RNF213: variants seen among roughly 807,000 people sequenced by gnomAD.
RNF213 encodes E3 ubiquitin-protein ligase RNF213.
RNF213 carries 341 observed loss-of-function variants against 514.4 expected under a neutral mutation model. The ratio of observed to expected loss-of-function variants is 0.66; its 90% CI spans 0.61 to 0.73. The LOEUF (loss-of-function observed/expected upper bound fraction) is 0.73. Among genes scored for constraint, RNF213 ranks in the 30% least tolerant of loss-of-function variants. The pLI is 0.00. For missense variants in RNF213, 5,767 were observed against 6,615.6 expected (o/e 0.87, Z 4.45); for synonymous variants, 2,655 against 2,658.2 (o/e 1.00, Z 0.04).
chr17:80,361,625 C>A, intron 38 of RNF213, 109 bp from the exon 39 acceptor site: 1 of 1,189,808 alleles, frequency 8.4e-7, no homozygotes, highest in Admixed American at 1.7e-5. Flanking sequence ...TCTACGAGCT[C>A]CCATTCAACA....
chr17:80,345,925 C>G lies in RNF213; in HGVS notation c.7590C>G (p.His2530Gln). Residue 2530 changes from histidine (H) to glutamine (Q), a missense_variant, in exon 29 of 68, where the codon CAC (histidine) becomes CAG (glutamine). Physicochemically the swap from His to Gln is conservative, Grantham distance 24. Transcript: ENST00000582970. The surrounding 1 kb of genome is among the most constrained non-coding windows in gnomAD (Gnocchi z 6.0). ...CTGCCTGCAATCCATACCGGAAGCA[C>G]TCTGAGGAGATGATCTGCCGTTTGG... Reference protein sequence around the residue: ...IIAACNPYRKHSEEMICRLES... With the variant: ...IIAACNPYRKQSEEMICRLES... 6.2e-7 allele frequency: 1 copy of G among 1,614,226 alleles called. No homozygotes were observed. Among genetic ancestry groups the G allele is most frequent in the Non-Finnish European group, 8.5e-7 (1 of 1,180,046 alleles).
chr17:80,397,292 C>T lies in RNF213; in HGVS notation c.*3794C>T, dbSNP rs1198519354. On this transcript the variant is annotated 3_prime_UTR_variant, in exon 68 of 68. Transcript: ENST00000582970. Reference sequence around the variant, plus strand: ...CAAGTGGCTCGACCTCTCTAAGCTTCAGTTTCCTCGTCTGTGAAATATCTG... The same window carrying T: ...CAAGTGGCTCGACCTCTCTAAGCTTTAGTTTCCTCGTCTGTGAAATATCTG... The T allele has an allele frequency of 6.6e-6, 1 of 152,154 alleles. No individual in the cohort carries two copies. Among genetic ancestry groups the T allele is most frequent in the Non-Finnish European group, 1.5e-5 (1 of 68,048 alleles). 9.4% of individuals were successfully genotyped at this position (152,154 alleles called of 1,614,324 possible).
In RNF213 at chr17:80,353,661, A is replaced by G; in HGVS notation, c.10573A>G (p.Ser3525Gly). Reference sequence around the variant, plus strand: ...AAAGGAAACCTCTGAACTCGGAGGCAGTGATGTAAGTTCTGGTTCTTGGGA... The same window carrying G: ...AAAGGAAACCTCTGAACTCGGAGGCGGTGATGTAAGTTCTGGTTCTTGGGA... ...VGKETSELGG[S>G]DVSILDTTRL... is the part of the protein sequence containing the mutation. The change falls in exon 34 of 68, where the codon AGT becomes GGT. Residue 3525 changes from serine to glycine, a missense_variant. Physicochemically the swap from Ser to Gly is moderately conservative, Grantham distance 56. Around this residue, in one of 13 missense-constraint regions of RNF213, gnomAD observed 919 missense variants for 1,121.0 expected, o/e 0.82. Transcript: ENST00000582970. This position sits in a 1 kb window ranked among gnomAD's most constrained non-coding sequence, Gnocchi z 5.0. 4 of 1,614,178 alleles carry G rather than the reference A, an allele frequency of 2.5e-6. No homozygotes were observed. Among genetic ancestry groups the G allele is most frequent in the Non-Finnish European group, 3.4e-6 (4 of 1,180,020 alleles).
chr17:80,331,135 C>T (rs1243195756), intron 20 of RNF213, among the ~76,000 whole-genome samples: 2 of 152,076 alleles, frequency 1.3e-5, no homozygotes, highest in Non-Finnish European at 2.9e-5. Flanking sequence ...GTGTCTTAAA[C>T]AGACTTTGAA....
intron 22 of RNF213, 117 bp downstream of exon 22, chr17:80,334,387 G>T (rs1441623589): frequency 1.8e-6 from 2 of 1,110,876 alleles, no homozygotes; most frequent in Non-Finnish European, 2.5e-6. Context: ...TACGTAAAGG[G>T]CAGAAAGACG....
intron 2 of RNF213, among the ~76,000 whole-genome samples, chr17:80,269,456 TCATCCATCCATTCATCTATTCTATCTATC>T (rs955569130): frequency 1.2e-4 from 18 of 149,124 alleles, no homozygotes; most frequent in South Asian, 2.2e-4. Context: ...ATCCATCTAT[TCATCCATCCATTCATCTATTCTATCTATC>T]CATCCATCCA....
chr17:80,329,732 G>A (rs2046364726), intron 20 of RNF213, among the ~76,000 whole-genome samples: 1 of 152,180 alleles, frequency 6.6e-6, no homozygotes, highest in Non-Finnish European at 1.5e-5. Flanking sequence ...TTGGGAGGCT[G>A]AGGCAGGAGG....
At chr17:80,355,747 G>C (rs1325479111) in intron 36 of RNF213, among the ~76,000 whole-genome samples, 1 of 107,886 alleles carries the variant, frequency 9.3e-6, no homozygotes, top group South Asian at 3.3e-4. Context: ...GGGGGCTCAC[G>C]GAGGAAGAAG....
At chr17:80,315,844 G>A (rs1290731368) in intron 15 of RNF213, 5 of 48,462 alleles carry the variant, frequency 1.0e-4, no homozygotes, top group Admixed American at 2.1e-4. Flanking sequence ...GATGGTGGTG[G>A]TGGTGGTGGT....
In RNF213 at chr17:80,389,833, A is replaced by C; in HGVS notation, c.15201A>C (p.Leu5067Phe). ...GDQTIHVLKALNRCQLKHTIA... is the reference protein window; with the variant it reads ...GDQTIHVLKAFNRCQLKHTIA... ...GAATTCTATTCCTTCTGCAGGCCTT[A>C]AACAGATGCCAGTTAAAACACACCA... Residue 5067 changes from leucine (L) to phenylalanine (F), a missense_variant, in exon 66 of 68, where the codon TTA becomes TTC. Leu to Phe is a conservative substitution (Grantham distance 22). Around this residue, in one of 13 missense-constraint regions of RNF213, gnomAD observed 1,245 missense variants for 1,339.0 expected, o/e 0.93. Coordinates refer to ENST00000582970, the MANE Select transcript of RNF213 (RefSeq NM_001256071.3). 6.2e-7 allele frequency: 1 copy of C among 1,613,918 alleles called. No individual in the cohort carries two copies. Among genetic ancestry groups the C allele is most frequent in the Non-Finnish European group, 8.5e-7 (1 of 1,179,958 alleles).
rs1279879689 is a variant in RNF213, at chr17:80,396,725, T to TCCC, written c.*3227_*3228insCCC. On this transcript the variant is annotated 3_prime_UTR_variant, in exon 68 of 68. Coordinates refer to ENST00000582970, the MANE Select transcript of RNF213 (RefSeq NM_001256071.3). ...AAAAACAAGCGCCAGGAAAGTGCATTTCCCCCCCACCCCCCCCCCCCAACC... is the reference window on the plus strand; with the variant it reads ...AAAAACAAGCGCCAGGAAAGTGCATTCCCTCCCCCCCACCCCCCCCCCCCAACC... The TCCC allele has an allele frequency of 1.5e-5, 1 of 67,648 alleles. No homozygotes were observed. The highest frequency in any genetic ancestry group is 5.1e-5 in the African/African-American group (1 of 19,594). The allele number at this position is 67,648 out of a possible 1,614,324, so 4.2% of individuals were successfully genotyped here.
chr17:80,329,421 T>C (rs1470982598), intron 20 of RNF213, among the ~76,000 whole-genome samples: 3 of 152,252 alleles, frequency 2.0e-5, no homozygotes, highest in Non-Finnish European at 1.5e-5. Flanking sequence ...AGAAGTCCGA[T>C]GCAGTGCCAG....
In RNF213 at chr17:80,317,179, G is replaced by A. The variant is rs1429122064; in HGVS notation, c.2812-9G>A. The A allele has an allele frequency of 6.2e-7, 1 of 1,610,840 alleles. No individual in the cohort carries two copies. The highest frequency in any genetic ancestry group is 8.5e-7 in the Non-Finnish European group (1 of 1,179,192). On this transcript the variant is annotated splice_polypyrimidine_tract_variant and intron_variant, in intron 15 of 67. Coordinates refer to ENST00000582970, the MANE Select transcript of RNF213 (RefSeq NM_001256071.3). The surrounding 1 kb of genome is among the most constrained non-coding windows in gnomAD (Gnocchi z 4.1). ...GAGAGTGGGTGTGACCTGTGTGCGGGTTTTGCAGGTCTGGAGGCGGCTGGT... is the reference window on the plus strand; with the variant it reads ...GAGAGTGGGTGTGACCTGTGTGCGGATTTTGCAGGTCTGGAGGCGGCTGGT...
Position 80,375,773 on chromosome 17 carries a change from C to G in RNF213, c.13088C>G (p.Pro4363Arg), listed in dbSNP as rs777187259. Residue 4363 changes from proline (P) to arginine (R), a missense_variant, in exon 51 of 68, where the codon CCC becomes CGC. Physicochemically the swap from Pro to Arg is moderately radical, Grantham distance 103. This residue lies in a region of RNF213 where 1,245 missense variants were observed against 1,339.0 expected (regional missense o/e 0.93). Transcript: ENST00000582970. ...TTGATTTTGCAGGCCTGCAAGACCC[C>G]CCAAAGCCAGCAGTCAGCCTACTTC... ...IKTALKACKT[P>R]QSQQSAYFLL... is the part of the protein sequence containing the mutation. 15 of 1,613,854 alleles carry G rather than the reference C, an allele frequency of 9.3e-6. No individual in the cohort carries two copies. The South Asian group carries it at 1.4e-4, about 15-fold the overall frequency.
intron 57 of RNF213, 155 bp downstream of exon 57, chr17:80,381,882 G>C: frequency 2.6e-6 from 2 of 772,678 alleles, no homozygotes; most frequent in South Asian, 3.3e-5. Context: ...AGAAAACCGT[G>C]TCTAGGGAAG....
At chr17:80,388,276 CCTGTGCATGGT>C (rs2080318663) in intron 63 of RNF213, among the ~76,000 whole-genome samples, 1 of 152,198 alleles carries the variant, frequency 6.6e-6, no homozygotes. Flanking sequence ...AGAGTGACTG[CCTGTGCATGGT>C]CTGTGCCTTT....
At position 80,393,428 on chromosome 17, in the gene RNF213, T is replaced by C. The variant is rs761959065; in HGVS notation, c.15554T>C (p.Ile5185Thr). The C allele has an allele frequency of 6.2e-7, 1 of 1,614,144 alleles. No homozygotes were observed. The highest frequency in any genetic ancestry group is 1.1e-5 in the South Asian group (1 of 91,090). The change falls in exon 68 of 68, where the codon ATA becomes ACA. Residue 5185 changes from isoleucine (I) to threonine (T), a missense_variant. By Grantham distance (89) the Ile-to-Thr change is moderately conservative. This residue lies in a region of RNF213 where 1,245 missense variants were observed against 1,339.0 expected (regional missense o/e 0.93). Transcript: ENST00000582970. ...PEMASQFPEE[I>T]LLASCVSVWK... ...ATGGCATCTCAGTTCCCAGAAGAGA[T>C]ACTGCTCGCCAGCTGTGTCTCAGTG...
At chr17:80,276,617 A>G (rs2044067179) in intron 3 of RNF213, among the ~76,000 whole-genome samples, 1 of 149,860 alleles carries the variant, frequency 6.7e-6, no homozygotes, top group Non-Finnish European at 1.5e-5. Flanking sequence ...AAAGAGAGAG[A>G]GAGAGAAGGA....
chr17:80,295,451 G>C, intron 9 of RNF213, 106 bp from the exon 10 acceptor site: 1 of 1,413,176 alleles, frequency 7.1e-7, no homozygotes, highest in Non-Finnish European at 9.8e-7. Flanking sequence ...TGGTGGTGGG[G>C]CACGGATGGG....
Sources: allele counts gnomAD v4.1 joint callset (sites outside exome capture counted in the v4.1 genomes callset), GRCh38; gene constraint gnomAD v4.1.1; regional missense constraint gnomAD v4.1.1; non-coding constraint Gnocchi (gnomAD v3.1); transcripts MANE v1.5; gene names NCBI Gene and HGNC (gene_info 2026-07-23, HGNC 2026-07-21).